Variants in ATP4B observed in about 807,000 individuals in gnomAD.
ATP4B encodes the protein ATPase H+/K+ transporting subunit beta.
Under a neutral mutation model 35.3 loss-of-function variants are expected in ATP4B, and 27 were observed. That is an observed-to-expected ratio of 0.76 (90% CI 0.56 to 1.05). ATP4B has a LOEUF of 1.05. Ranked by LOEUF, ATP4B falls within the 50% of genes least tolerant of loss-of-function variation. The pLI is 0.00. For synonymous variants in ATP4B, 162 were observed against 156.0 expected (o/e 1.04, Z -0.29); for missense variants, 375 against 384.8 (o/e 0.97, Z 0.21).
intron 2 of ATP4B, among the ~76,000 whole-genome samples, chr13:113,654,063 C>CT (rs1371412524): frequency 1.3e-5 from 2 of 152,204 alleles, no homozygotes; most frequent in African/African-American, 4.8e-5. Context: ...TTGGGAGCCT[C>CT]TTTTTCTGTC....
Position 113,654,883 on chromosome 13 carries a change from A to C in ATP4B, c.172T>G (p.Cys58Gly). The C allele has an allele frequency of 6.2e-7, 1 of 1,614,248 alleles. No individual in the cohort carries two copies. Among genetic ancestry groups the C allele is most frequent in the Non-Finnish European group, 8.5e-7 (1 of 1,180,032 alleles). Residue 58 changes from cysteine (C) to glycine (G), a missense_variant, in exon 2 of 7, where the codon TGC becomes GGC. Physicochemically the swap from Cys to Gly is radical, Grantham distance 159. Coordinates refer to ENST00000335288, the MANE Select transcript of ATP4B (RefSeq NM_000705.4). Reference protein sequence around the residue: ...YVVMTGLFALCLYVLMQTVDP... With the variant: ...YVVMTGLFALGLYVLMQTVDP... ...ACTGTCTGCATCAGCACATAGAGGC[A>C]CAGGGCGAAGAGCCCAGTCATCACC...
chr13:113,651,786 C>T (rs977077584), intron 4 of ATP4B, 59 bp from the exon 5 acceptor site: 149 of 1,577,980 alleles, frequency 9.4e-5, no homozygotes, highest in Admixed American at 2.8e-4. Flanking sequence ...GTGAGGTGCA[C>T]GGCACCCACC....
chr13:113,654,737 C>T, intron 2 of ATP4B, 77 bp downstream of exon 2: 2 of 1,528,008 alleles, frequency 1.3e-6, no homozygotes, highest in Non-Finnish European at 1.8e-6. Context: ...GGCACGGGTC[C>T]CCCGGGCGTC....
rs778919864 is a variant in ATP4B at position 113,652,911 on chromosome 13, C to T, written c.517G>A (p.Glu173Lys). ...SGLADPNFGFEEGKPCFIIKM... is the reference protein window; with the variant it reads ...SGLADPNFGFKEGKPCFIIKM... ...ATAATAAAACATGGCTTTCCTTCTTCAAAGCCGAAGTTGGGATCCGCCAGG... is the reference window on the plus strand; with the variant it reads ...ATAATAAAACATGGCTTTCCTTCTTTAAAGCCGAAGTTGGGATCCGCCAGG... Residue 173 changes from glutamate (E) to lysine (K), a missense_variant, in exon 4 of 7, where the codon GAA becomes AAA. Physicochemically the swap from Glu to Lys is moderately conservative, Grantham distance 56 (BLOSUM62 1). Transcript: ENST00000335288. 4 of 1,614,240 alleles carry T rather than the reference C, an allele frequency of 2.5e-6. No homozygotes were observed. Among genetic ancestry groups the T allele is most frequent in the Non-Finnish European group, 3.4e-6 (4 of 1,180,042 alleles).
chr13:113,652,788 C>A, intron 4 of ATP4B, 85 bp downstream of exon 4: 1 of 1,491,358 alleles, frequency 6.7e-7, no homozygotes. Flanking sequence ...CCAGACAGGA[C>A]ACCTGTGCTC....
chr13:113,652,328 G>A (rs1195866418), intron 4 of ATP4B, among the ~76,000 whole-genome samples: 2 of 152,256 alleles, frequency 1.3e-5, no homozygotes, highest in Non-Finnish European at 2.9e-5. Flanking sequence ...CAAGCCTGCA[G>A]CCTCTTAAGT....
At position 113,649,637 on chromosome 13, in the gene ATP4B, G is replaced by T; in HGVS notation, c.715-102C>A. ...TCAACAGTCAGGTTGGTGCAGAGAA[G>T]CAGCTCTTTTGTGTAAGACTGGCCC... On this transcript the variant is annotated intron_variant, in intron 6 of 6. Transcript: ENST00000335288. This position sits in a 1 kb window ranked among gnomAD's most constrained non-coding sequence, Gnocchi z 4.7. The T allele has an allele frequency of 7.4e-7, 1 of 1,342,730 alleles. No homozygotes were observed. Among genetic ancestry groups the T allele is most frequent in the Non-Finnish European group, 9.9e-7 (1 of 1,014,562 alleles). The allele number at this position is 1,342,730 out of a possible 1,614,324, so 83.2% of individuals were successfully genotyped here. A position where few individuals can be genotyped will look rare whatever the true frequency, so the allele number is the denominator to read the frequency against.
At chr13:113,657,938 G>C in intron 1 of ATP4B, 95 bp downstream of exon 1, 6 of 1,032,664 alleles carry the variant, frequency 5.8e-6, no homozygotes, top group Non-Finnish European at 8.4e-6. Flanking sequence ...TCACTGTCAG[G>C]GGCCCTCTGC....
chr13:113,658,157 G>C lies in ATP4B; in HGVS notation c.-13C>G. 1.2e-6 allele frequency: 2 copies of C among 1,607,910 alleles called. No homozygotes were observed. Among genetic ancestry groups the C allele is most frequent in the South Asian group, 1.1e-5 (1 of 90,088 alleles). On this transcript the variant is annotated 5_prime_UTR_variant, in exon 1 of 7. Coordinates refer to ENST00000335288, the MANE Select transcript of ATP4B (RefSeq NM_000705.4). ...GCAGAGCCGCCATCGTCCCTGGCCT[G>C]AGATCCTCCCGTCTGCTCCCTGCAC...
chr13:113,657,599 C>T (rs1004197458), intron 1 of ATP4B, among the ~76,000 whole-genome samples: 2 of 152,220 alleles, frequency 1.3e-5, no homozygotes, highest in Non-Finnish European at 2.9e-5. Context: ...TGGACGCCAG[C>T]GGGTGTCCCG....
chr13:113,649,223 C>T lies in ATP4B; in HGVS notation c.*151G>A, dbSNP rs755310816. 2.5e-5 allele frequency: 20 copies of T among 789,266 alleles called. No individual in the cohort carries two copies. The highest frequency in any genetic ancestry group is 3.9e-4 in the Middle Eastern group (1 of 2,548). The allele number at this position is 789,266 out of a possible 1,614,324, so 48.9% of individuals were successfully genotyped here. The stretch of plus-strand genomic sequence containing the variant: ...CGCGAGCAGGTCCTTCAGATGTGGG[C>T]GCTTCTCTGGAGTTCGCACACTGAC... On this transcript the variant is annotated 3_prime_UTR_variant, in exon 7 of 7. Coordinates refer to ENST00000335288, the MANE Select transcript of ATP4B (RefSeq NM_000705.4). This position sits in a 1 kb window ranked among gnomAD's most constrained non-coding sequence, Gnocchi z 4.7.
Position 113,650,672 on chromosome 13 carries a change from T to C in ATP4B, c.613-165A>G, listed in dbSNP as rs2049705451. ...CAGATGCAATCTTTCTAATCAGTGC[T>C]GAGATCTCAGCAAGGATATGATTTG... On this transcript the variant is annotated intron_variant, in intron 5 of 6. Coordinates refer to ENST00000335288, the MANE Select transcript of ATP4B (RefSeq NM_000705.4). The surrounding 1 kb of genome is among the most constrained non-coding windows in gnomAD (Gnocchi z 5.0). Among the ~76,000 whole-genome samples the C allele has an allele frequency of 6.6e-6, 1 of 152,192 alleles. No individual in the cohort carries two copies. Among genetic ancestry groups the C allele is most frequent in the Non-Finnish European group, 1.5e-5 (1 of 68,032 alleles).
chr13:113,658,119 G>C lies in ATP4B; in HGVS notation c.26C>G (p.Thr9Arg), dbSNP rs907017811. The C allele has an allele frequency of 6.2e-7, 1 of 1,612,904 alleles. No individual in the cohort carries two copies. Among genetic ancestry groups the C allele is most frequent in the Non-Finnish European group, 8.5e-7 (1 of 1,179,804 alleles). Residue 9 changes from threonine to arginine, a missense_variant, in exon 1 of 7, where the codon ACG becomes AGG. Coordinates refer to ENST00000335288, the MANE Select transcript of ATP4B (RefSeq NM_000705.4). Reference sequence around the variant, plus strand: ...GAACTCCTCCATGCGCTGGCCACACGTCTTCTTCTCCTGCAGAGCCGCCAT... The same window carrying C: ...GAACTCCTCCATGCGCTGGCCACACCTCTTCTTCTCCTGCAGAGCCGCCAT... MAALQEKK[T>R]CGQRMEEFQR... is the part of the protein sequence containing the mutation.
rs958080764 is a variant in ATP4B at position 113,649,787 on chromosome 13, C to T, written c.715-252G>A. 1.3e-5 allele frequency among the ~76,000 whole-genome samples: 2 copies of T among 152,092 alleles called. No homozygotes were observed. Among genetic ancestry groups the T allele is most frequent in the African/African-American group, 2.4e-5 (1 of 41,390 alleles). ...AGCTTCAAACTCTTACGATGATTAA[C>T]GTAAAAATGAAACAGGAAAAGCACG... On this transcript the variant is annotated intron_variant, in intron 6 of 6. Coordinates refer to ENST00000335288, the MANE Select transcript of ATP4B (RefSeq NM_000705.4). The surrounding 1 kb of genome is among the most constrained non-coding windows in gnomAD (Gnocchi z 4.7).
rs2049702029 is a variant in ATP4B at position 113,650,327 on chromosome 13, G to C, written c.714+79C>G. 9 of 1,327,116 alleles carry C rather than the reference G, an allele frequency of 6.8e-6. No individual in the cohort carries two copies. The highest frequency in any genetic ancestry group is 9.7e-6 in the Non-Finnish European group (9 of 926,210). 82.2% of individuals were successfully genotyped at this position (1,327,116 alleles called of 1,614,324 possible). A position where few individuals can be genotyped will look rare whatever the true frequency, so the allele number is the denominator to read the frequency against. ...CTTTGTTTCATTTTTCTACATGAAGGGGCTTATTGCTTTCCTTTCGCTAAG... is the reference window on the plus strand; with the variant it reads ...CTTTGTTTCATTTTTCTACATGAAGCGGCTTATTGCTTTCCTTTCGCTAAG... On this transcript the variant is annotated intron_variant, in intron 6 of 6. Transcript: ENST00000335288. The surrounding 1 kb of genome is among the most constrained non-coding windows in gnomAD (Gnocchi z 5.0).
intron 4 of ATP4B, 60 bp from the exon 5 acceptor site, chr13:113,651,787 G>A (rs1023155916): frequency 7.3e-5 from 116 of 1,580,386 alleles, no homozygotes; most frequent in Non-Finnish European, 8.8e-5. Context: ...TGAGGTGCAC[G>A]GCACCCACCC....
intron 1 of ATP4B, among the ~76,000 whole-genome samples, chr13:113,656,170 C>T (rs540177294): frequency 1.1e-3 from 172 of 152,310 alleles, no homozygotes; most frequent in Non-Finnish European, 2.1e-3. Flanking sequence ...CACTGGATCA[C>T]GCCTGGTGCC....
chr13:113,654,302 G>A (rs1229318427), intron 2 of ATP4B, among the ~76,000 whole-genome samples: 1 of 152,220 alleles, frequency 6.6e-6, no homozygotes, highest in Non-Finnish European at 1.5e-5. Flanking sequence ...CACCGATGGG[G>A]ACGTCTGTCC....
intron 1 of ATP4B, 53 bp from the exon 2 acceptor site, chr13:113,654,995 C>T (rs936408706): frequency 6.2e-7 from 1 of 1,607,190 alleles, no homozygotes; most frequent in Admixed American, 1.7e-5. Context: ...TTAACGCACA[C>T]AATTCGGTGG....
Sources: allele counts gnomAD v4.1 joint callset (sites outside exome capture counted in the v4.1 genomes callset), GRCh38; gene constraint gnomAD v4.1.1; non-coding constraint Gnocchi (gnomAD v3.1); transcripts MANE v1.5; gene names NCBI Gene and HGNC (gene_info 2026-07-23, HGNC 2026-07-21).